The following USP9Y variants were observed in gnomAD, a reference collection of about 807,000 sequenced individuals.
USP9Y encodes ubiquitin specific peptidase 9 Y-linked, also known as ubiquitin carboxyl-terminal hydrolase 9Y.
Under a neutral mutation model 53.1 loss-of-function variants are expected in USP9Y, and 41 were observed. The observed-to-expected ratio is 0.77, with a 90% CI of 0.60 to 1.00. USP9Y has a LOEUF of 1.00. Among genes scored for constraint, USP9Y ranks in the 50% least tolerant of loss-of-function variants. The pLI is 0.00. For synonymous variants in USP9Y, 220 were observed against 173.7 expected (o/e 1.27, Z -2.09); for missense variants, 567 against 535.8 (o/e 1.06, Z -0.58).
chrY:12,786,120 A>G, intron 22 of USP9Y, 83 bp from the exon 23 acceptor site: 1 of 308,766 alleles, frequency 3.2e-6, no homozygotes, highest in Non-Finnish European at 4.8e-6. Flanking sequence ...TATTTAAGAT[A>G]ATACTCTTCA....
chrY:12,765,359 A>G, intron 15 of USP9Y, among the ~76,000 whole-genome samples: 1 of 32,468 alleles, frequency 3.1e-5, no homozygotes, highest in South Asian at 7.2e-4. Flanking sequence ...ACACTCGTGT[A>G]ACTTTAGGGA....
chrY:12,722,120 G>T lies in USP9Y; in HGVS notation c.258G>T (p.Val86=). 1 of 395,921 alleles carries T rather than the reference G, an allele frequency of 2.5e-6. No homozygotes were observed. The highest frequency in any genetic ancestry group is 3.6e-6 in the Non-Finnish European group (1 of 281,316). Residue 86 remains valine (V), a synonymous_variant, in exon 5 of 46, where the codon GTG becomes GTT. Coordinates refer to ENST00000338981, the MANE Select transcript of USP9Y (RefSeq NM_004654.4). The part of the protein sequence containing the change: ...LDDMINRPRW[V]VPVLPKGELE... ...TAATAATCCTTAGGCCTCGATGGGT[G>T]GTTCCTGTTTTGCCAAAAGGGGAAT...
chrY:12,717,280 G>A (rs776158791), intron 3 of USP9Y, among the ~76,000 whole-genome samples: 3 of 32,783 alleles, frequency 9.2e-5, no homozygotes, highest in African/African-American at 1.2e-4. Context: ...TGTAGGTTGC[G>A]TGCTCCTTAT....
Position 12,775,489 on chromosome Y carries a change from G to T in USP9Y, c.2350G>T (p.Asp784Tyr). 2.5e-6 allele frequency: 1 copy of T among 394,942 alleles called. No homozygotes were observed. Among genetic ancestry groups the T allele is most frequent in the Non-Finnish European group, 3.6e-6 (1 of 281,206 alleles). The change falls in exon 18 of 46, where the codon GAC becomes TAC. Residue 784 changes from aspartate to tyrosine, a missense_variant. Coordinates refer to ENST00000338981, the MANE Select transcript of USP9Y (RefSeq NM_004654.4). ...GAACCAGGTTGTGATTCAGAGTAGTGACGAGATTGCTAACAGAGCTATAGA... is the reference window on the plus strand; with the variant it reads ...GAACCAGGTTGTGATTCAGAGTAGTTACGAGATTGCTAACAGAGCTATAGA... ...YLWRVVIQSS[D>Y]EIANRAIDLL...
At chrY:12,719,073 A>G (rs895752322) in intron 3 of USP9Y, among the ~76,000 whole-genome samples, 5 of 33,849 alleles carry the variant, frequency 1.5e-4, no homozygotes, top group Admixed American at 1.3e-3. Context: ...CAGTTTTAAA[A>G]TCTTGCAATA....
intron 15 of USP9Y, among the ~76,000 whole-genome samples, chrY:12,762,422 GT>G (rs2053476265): frequency 3.0e-5 from 1 of 33,617 alleles, no homozygotes; most frequent in African/African-American, 1.2e-4. Context: ...AGGGTGCTCT[GT>G]TTATTTGTTC....
At chrY:12,759,346 G>A in intron 14 of USP9Y, among the ~76,000 whole-genome samples, 1 of 33,216 alleles carries the variant, frequency 3.0e-5, no homozygotes, top group African/African-American at 1.2e-4. Flanking sequence ...AAAATTCTCA[G>A]TGCAGTTAGG....
chrY:12,746,746 T>A, intron 12 of USP9Y, among the ~76,000 whole-genome samples: 1 of 29,112 alleles, frequency 3.4e-5, no homozygotes, highest in Non-Finnish European at 8.4e-5. Context: ...TTTTTTTTTT[T>A]TTTTTGAGAC....
chrY:12,783,759 A>G (rs2053499701), intron 22 of USP9Y, among the ~76,000 whole-genome samples: 2 of 33,229 alleles, frequency 6.0e-5, no homozygotes, highest in African/African-American at 1.2e-4. Flanking sequence ...CTATCTATCT[A>G]TCTATCTATG....
rs1184095067 is a variant in USP9Y at position 12,776,845 on chromosome Y, T to G, written c.2624T>G (p.Ile875Ser). The G allele has an allele frequency of 2.5e-6, 1 of 395,408 alleles. No homozygotes were observed. The highest frequency in any genetic ancestry group is 3.6e-6 in the Non-Finnish European group (1 of 280,462). The change falls in exon 19 of 46, where the codon ATT (isoleucine) becomes AGT (serine). Residue 875 changes from isoleucine (I) to serine (S), a missense_variant. By Grantham distance (142) the Ile-to-Ser change is moderately radical. Transcript: ENST00000338981. ...AGTGATTATCACAAGGAAAGAATGA[T>G]TCTACCTATGTCGAGGTTTGTGTGA... ...CDSDYHKERM[I>S]LPMSRAFRGK...
chrY:12,720,990 A>T, intron 4 of USP9Y: 1 of 103,247 alleles, frequency 9.7e-6, no homozygotes. Flanking sequence ...TTTCAGATTA[A>T]TGATGCTTTA....
At chrY:12,714,881 A>G in intron 3 of USP9Y, among the ~76,000 whole-genome samples, 2 of 32,675 alleles carry the variant, frequency 6.1e-5, no homozygotes, top group South Asian at 6.9e-4. Flanking sequence ...CACATTAAGT[A>G]CTATGTAGAA....
chrY:12,843,195 T>C lies in USP9Y; in HGVS notation c.6568+2T>C. ...TGTTTGTAATGTATGCCAATTTAGG[T>C]AAGAATTTTTCACAACTATATTAAT... is the stretch of plus-strand genomic sequence containing the variant. On this transcript the variant is annotated splice_donor_variant, in intron 39 of 45. Coordinates refer to ENST00000338981, the MANE Select transcript of USP9Y (RefSeq NM_004654.4). LOFTEE classifies it high-confidence loss of function. The C allele has an allele frequency of 2.7e-6, 1 of 371,284 alleles. No individual in the cohort carries two copies. The highest frequency in any genetic ancestry group is 3.8e-6 in the Non-Finnish European group (1 of 260,725). 92.6% of individuals were successfully genotyped at this position (371,284 alleles called of 400,897 possible). A position where few individuals can be genotyped will look rare whatever the true frequency, so the allele number is the denominator to read the frequency against.
At chrY:12,732,886 C>T in intron 7 of USP9Y, among the ~76,000 whole-genome samples, 1 of 32,297 alleles carries the variant, frequency 3.1e-5, no homozygotes, top group African/African-American at 1.2e-4. Flanking sequence ...GTTCATTAGG[C>T]GTATTTGACT....
intron 12 of USP9Y, among the ~76,000 whole-genome samples, chrY:12,750,733 G>A: frequency 3.0e-5 from 1 of 33,208 alleles, no homozygotes; most frequent in African/African-American, 1.2e-4. Flanking sequence ...AATTATACTT[G>A]TCTTGGTGTA....
Position 12,842,478 on chromosome Y carries a change from C to CT in USP9Y, c.6438+27dup, listed in dbSNP as rs147207338. ...ACCTTCTAGTCAGGTAATTGCATGGCTTTTTTTTTTTTTTAAGCAATTAAA... is the reference window on the plus strand; with the variant it reads ...ACCTTCTAGTCAGGTAATTGCATGGCTTTTTTTTTTTTTTTAAGCAATTAAA... On this transcript the variant is annotated intron_variant, in intron 38 of 45. Transcript: ENST00000338981. 5.0e-5 allele frequency: 13 copies of CT among 262,367 alleles called. No individual in the cohort carries two copies. The highest frequency in any genetic ancestry group is 2.7e-4 in the African/African-American group (3 of 10,956). 65.4% of individuals were successfully genotyped at this position (262,367 alleles called of 400,897 possible). A position where few individuals can be genotyped will look rare whatever the true frequency, so the allele number is the denominator to read the frequency against.
intron 1 of USP9Y, among the ~76,000 whole-genome samples, chrY:12,704,762 TATCTA>T (rs2053418405): frequency 3.0e-5 from 1 of 33,830 alleles, no homozygotes; most frequent in Non-Finnish European, 7.4e-5. Flanking sequence ...TTTTGTAGCT[TATCTA>T]ATTTAATGAC....
In USP9Y at chrY:12,737,622, T is replaced by C. The variant is rs902046878; in HGVS notation, c.1165-535T>C. 2.1e-4 allele frequency among the ~76,000 whole-genome samples: 7 copies of C among 33,746 alleles called. No homozygotes were observed. In the East Asian group the frequency reaches 5.4e-3, roughly 26 times the overall value. The allele number at this position is 33,746 out of a possible 37,273, so 90.5% of individuals were successfully genotyped here. ...ATGTTAAACAGAATTACTCAGTATA[T>C]TCACTAGTCCTTGAATTATTACTGG... On this transcript the variant is annotated intron_variant, in intron 10 of 45. Transcript: ENST00000338981.
intron 43 of USP9Y, 66 bp downstream of exon 43, chrY:12,856,562 T>G: frequency 2.6e-6 from 1 of 388,286 alleles, no homozygotes; most frequent in Non-Finnish European, 3.6e-6. Context: ...ATCGTGAAAT[T>G]TTTGTATTAG....
Sources: allele counts gnomAD v4.1 joint callset (sites outside exome capture counted in the v4.1 genomes callset), GRCh38; gene constraint gnomAD v4.1.1; transcripts MANE v1.5; gene names NCBI Gene and HGNC (gene_info 2026-07-23, HGNC 2026-07-21).